SCN2A: variants seen among roughly 807,000 people sequenced by gnomAD.
SCN2A encodes sodium channel protein type 2 subunit alpha.
SCN2A carries 20 observed loss-of-function variants against 188.7 expected under a neutral mutation model. That is an observed-to-expected ratio of 0.11 (90% CI 0.07 to 0.15). SCN2A has a LOEUF of 0.15. Among genes scored for constraint, SCN2A ranks in the 10% least tolerant of loss-of-function variants. SCN2A has a pLI of 1.00. For synonymous variants in SCN2A, 804 were observed against 833.1 expected, an observed-to-expected ratio of 0.97 and a Z score of 0.60; for missense variants, 1,278 against 2,445.0, an observed-to-expected ratio of 0.52 and a Z score of 10.07.
At chr2:165,256,538 T>C (rs1559319131) in intron 1 of SCN2A, among the ~76,000 whole-genome samples, 1 of 152,230 alleles carries the variant, frequency 6.6e-6, no homozygotes, top group Non-Finnish European at 1.5e-5. Flanking sequence ...CTCTGAGATA[T>C]TGGGAAGTTA....
rs564473333 is a variant in SCN2A, at chr2:165,241,114, G to A, written c.-52+1474G>A. ...GAACATATCAGGATGGCATAGACCAGGTATGATGATATTCACTGTGCGTGT... is the reference window on the plus strand; with the variant it reads ...GAACATATCAGGATGGCATAGACCAAGTATGATGATATTCACTGTGCGTGT... On this transcript the variant is annotated intron_variant, in intron 1 of 26. Transcript: ENST00000375437. 5.1e-4 allele frequency: 76 copies of A among 150,458 alleles called. 1 individual carries two copies. Among genetic ancestry groups the A allele is most frequent in the African/African-American group, 1.8e-3 (74 of 40,948 alleles). 9.3% of individuals were successfully genotyped at this position (150,458 alleles called of 1,614,324 possible).
chr2:165,309,175 G>T, intron 5 of SCN2A, 177 bp from the exon 6 acceptor site: 1 of 1,613,480 alleles, frequency 6.2e-7, no homozygotes, highest in Non-Finnish European at 8.5e-7. Context: ...GTATGTAACA[G>T]AATTTGTAAA....
At chr2:165,358,839 C>T (rs931446968) in intron 17 of SCN2A, among the ~76,000 whole-genome samples, 1 of 152,046 alleles carries the variant, frequency 6.6e-6, no homozygotes. Context: ...AGAGACTTCC[C>T]TATCATGTGA....
At chr2:165,251,296 A>G (rs1419459061) in intron 1 of SCN2A, among the ~76,000 whole-genome samples, 1 of 152,112 alleles carries the variant, frequency 6.6e-6, no homozygotes, top group African/African-American at 2.4e-5. Context: ...GTAAGAACCA[A>G]TGGAACATCT....
chr2:165,306,066 AAGG>A (rs1360019249), intron 3 of SCN2A, among the ~76,000 whole-genome samples: 1 of 152,130 alleles, frequency 6.6e-6, no homozygotes, highest in Non-Finnish European at 1.5e-5. Context: ...CTGTAACAGG[AAGG>A]AGGAAAGAAT....
intron 1 of SCN2A, among the ~76,000 whole-genome samples, chr2:165,249,605 C>T (rs570440570): frequency 1.4e-4 from 21 of 152,058 alleles, no homozygotes; most frequent in Admixed American, 4.6e-4. Context: ...AAATTGACCT[C>T]ATCGTTTTGT....
rs993123240 is a variant in SCN2A at position 165,314,241 on chromosome 2, G to C, written c.1383+133G>C. 1.0e-5 allele frequency: 9 copies of C among 865,118 alleles called. No individual in the cohort carries two copies. In the Admixed American group the frequency reaches 1.5e-4, roughly 14 times the overall value. The allele number at this position is 865,118 out of a possible 1,614,324, so 53.6% of individuals were successfully genotyped here. A position where few individuals can be genotyped will look rare whatever the true frequency, so the allele number is the denominator to read the frequency against. ...TTTGGTAAGTGCTAGGAGCCTGTTTGGTTATTAAGAAGTTATTACTTTATT... is the reference window on the plus strand; with the variant it reads ...TTTGGTAAGTGCTAGGAGCCTGTTTCGTTATTAAGAAGTTATTACTTTATT... On this transcript the variant is annotated intron_variant, in intron 10 of 26. Transcript: ENST00000375437.
rs371284898 is a variant in SCN2A, at chr2:165,344,265, T to A, written c.2563-290T>A. 5.9e-5 allele frequency among the ~76,000 whole-genome samples: 9 copies of A among 152,220 alleles called. No individual in the cohort carries two copies. The East Asian group carries it at 1.5e-3, about 26-fold the overall frequency. On this transcript the variant is annotated intron_variant, in intron 15 of 26. Transcript: ENST00000375437. Reference sequence around the variant, plus strand: ...TCAAAATGAAAAAAAGAATGCTCTATGGTAGCAAGTCACTGCTATATTTGT... The same window carrying A: ...TCAAAATGAAAAAAAGAATGCTCTAAGGTAGCAAGTCACTGCTATATTTGT...
chr2:165,249,228 C>G (rs969229068), intron 1 of SCN2A, among the ~76,000 whole-genome samples: 2 of 152,086 alleles, frequency 1.3e-5, no homozygotes, highest in African/African-American at 4.8e-5. Context: ...CTGTTTTAGT[C>G]ATAGGATGAG....
At chr2:165,249,781 A>T (rs1694007881) in intron 1 of SCN2A, among the ~76,000 whole-genome samples, 1 of 152,090 alleles carries the variant, frequency 6.6e-6, no homozygotes, top group African/African-American at 2.4e-5. Context: ...TAATGTCTAT[A>T]CTACTTGATT....
At chr2:165,326,596 G>A (rs1175439865) in intron 12 of SCN2A, among the ~76,000 whole-genome samples, 2 of 152,102 alleles carry the variant, frequency 1.3e-5, no homozygotes, top group African/African-American at 2.4e-5. Flanking sequence ...AGTGGACCTG[G>A]TCCCTCCAGC....
At chr2:165,333,322 A>T (rs956758800) in intron 14 of SCN2A, among the ~76,000 whole-genome samples, 1 of 152,018 alleles carries the variant, frequency 6.6e-6, no homozygotes, top group Non-Finnish European at 1.5e-5. Flanking sequence ...GAATTATGGA[A>T]TAGTAGAAAA....
intron 1 of SCN2A, among the ~76,000 whole-genome samples, chr2:165,240,789 T>G (rs776654474): frequency 3.3e-5 from 5 of 151,706 alleles, no homozygotes; most frequent in Non-Finnish European, 7.4e-5. Flanking sequence ...TGTCAGAGGT[T>G]GTGAAAGCTA....
Position 165,308,792 on chromosome 2 carries a change from T to C in SCN2A, c.603T>C (p.Phe201=), listed in dbSNP as rs1697273790. The C allele has an allele frequency of 1.2e-6, 2 of 1,612,684 alleles. No homozygotes were observed. Among genetic ancestry groups the C allele is most frequent in the Non-Finnish European group, 1.7e-6 (2 of 1,178,956 alleles). Residue 201 remains phenylalanine (F), a splice_region_variant and synonymous_variant, in exon 5 of 27, where the codon TTT becomes TTC. Coordinates refer to ENST00000375437, the MANE Select transcript of SCN2A (RefSeq NM_001040142.2). ...GGTTGGATTTCACAGTCATTACTTT[T>C]GCGTAAGTATCTTAATACATTTTCT... The part of the protein sequence containing the change: ...WNWLDFTVIT[F]AYVTEFVDLG...
intron 17 of SCN2A, among the ~76,000 whole-genome samples, chr2:165,355,891 C>G (rs963484872): frequency 6.6e-6 from 1 of 151,160 alleles, no homozygotes; most frequent in African/African-American, 2.4e-5. Flanking sequence ...CCCAGCTACT[C>G]GGGAGGCTGA....
At chr2:165,306,195 G>A (rs12469667) in intron 3 of SCN2A, among the ~76,000 whole-genome samples, 35,715 of 151,990 alleles carry the variant, frequency 0.23, 4,491 homozygotes, top group East Asian at 0.36. Context: ...AATGGAGCCG[G>A]AAGAAAGAAG....
rs1347882792 is a variant in SCN2A, at chr2:165,390,780, A to C, written c.*956A>C. The C allele has an allele frequency of 2.0e-5, 3 of 152,510 alleles. No homozygotes were observed. Among genetic ancestry groups the C allele is most frequent in the Non-Finnish European group, 2.9e-5 (2 of 68,002 alleles). The allele number at this position is 152,510 out of a possible 1,614,324, so 9.4% of individuals were successfully genotyped here. A position where few individuals can be genotyped will look rare whatever the true frequency, so the allele number is the denominator to read the frequency against. On this transcript the variant is annotated 3_prime_UTR_variant, in exon 27 of 27. Coordinates refer to ENST00000375437, the MANE Select transcript of SCN2A (RefSeq NM_001040142.2). The stretch of plus-strand genomic sequence containing the variant: ...AAATATCCTATCAGTCCTTTCTAAG[A>C]AGCCTGAATTGACCAAAAAACATCC...
At chr2:165,364,422 TAAC>T (rs1349007540) in intron 17 of SCN2A, among the ~76,000 whole-genome samples, 1 of 152,200 alleles carries the variant, frequency 6.6e-6, no homozygotes, top group Non-Finnish European at 1.5e-5. Context: ...ATATTTGATT[TAAC>T]CTAAAGGAAA....
chr2:165,314,200 A>T, intron 10 of SCN2A, 92 bp downstream of exon 10: 3 of 1,300,248 alleles, frequency 2.3e-6, no homozygotes, highest in Non-Finnish European at 3.3e-6. Flanking sequence ...TTGACATTAG[A>T]AATAGGTCAT....
Sources: gnomAD v4.1 joint callset for allele counts (sites outside exome capture counted in the v4.1 genomes callset) on GRCh38, gnomAD v4.1.1 for gene constraint, MANE v1.5 for transcripts, NCBI Gene and HGNC (gene_info 2026-07-23, HGNC 2026-07-21) for gene names.